The following SAMD4A variants were observed in gnomAD, a reference collection of about 807,000 sequenced individuals.
The protein encoded by SAMD4A is sterile alpha motif domain containing 4A.
SAMD4A carries 33 observed loss-of-function variants against 81.3 expected under a neutral mutation model. That is an observed-to-expected ratio of 0.41 (90% CI 0.31 to 0.54). The LOEUF (loss-of-function observed/expected upper bound fraction) is 0.54, where lower values mean the gene tolerates loss of function less well. SAMD4A is among the 20% of genes least tolerant of loss of function. SAMD4A has a pLI of 0.37. For missense variants in SAMD4A, 854 were observed against 951.1 expected, an observed-to-expected ratio of 0.90 and a Z score of 1.34; for synonymous variants, 389 against 382.1, an observed-to-expected ratio of 1.02 and a Z score of -0.21.
chr14:54,778,577 T>C (rs2038920803), intron 11 of SAMD4A, among the ~76,000 whole-genome samples: 1 of 152,236 alleles, frequency 6.6e-6, no homozygotes, highest in South Asian at 2.1e-4. Flanking sequence ...CTAAATAATA[T>C]GCTTCGCACA....
At chr14:54,591,682 C>G (rs2033780445) in intron 2 of SAMD4A, among the ~76,000 whole-genome samples, 2 of 152,140 alleles carry the variant, frequency 1.3e-5, no homozygotes, top group African/African-American at 2.4e-5. Context: ...AGCTGACTAC[C>G]TCATTGTGTT....
chr14:54,757,403 G>A (rs950014579), intron 6 of SAMD4A, among the ~76,000 whole-genome samples: 8 of 147,446 alleles, frequency 5.4e-5, no homozygotes, highest in African/African-American at 2.1e-4. Flanking sequence ...GTGTGTGTGT[G>A]TGTGTGTGTG....
chr14:54,591,531 T>G (rs1297605262), intron 2 of SAMD4A, among the ~76,000 whole-genome samples: 1 of 150,898 alleles, frequency 6.6e-6, no homozygotes, highest in Non-Finnish European at 1.5e-5. Flanking sequence ...TATTTTGTTT[T>G]TTTTTTTTTG....
intron 2 of SAMD4A, among the ~76,000 whole-genome samples, chr14:54,597,034 A>C (rs926341582): frequency 6.6e-6 from 1 of 152,144 alleles, no homozygotes; most frequent in Non-Finnish European, 1.5e-5. Flanking sequence ...CATTTTATTG[A>C]AAAAGAAAAC....
At chr14:54,776,787 T>C (rs1315092408) in intron 11 of SAMD4A, among the ~76,000 whole-genome samples, 1 of 152,180 alleles carries the variant, frequency 6.6e-6, no homozygotes, top group African/African-American at 2.4e-5. Context: ...GTCATATTTC[T>C]AGATTGATTA....
At chr14:54,587,834 T>A (rs1396937820) in intron 2 of SAMD4A, among the ~76,000 whole-genome samples, 1 of 152,198 alleles carries the variant, frequency 6.6e-6, no homozygotes, top group Non-Finnish European at 1.5e-5. Flanking sequence ...TCAGGGATAT[T>A]GGTCTGTAGT....
intron 2 of SAMD4A, among the ~76,000 whole-genome samples, chr14:54,590,619 C>T (rs2033749053): frequency 6.6e-6 from 1 of 152,198 alleles, no homozygotes; most frequent in African/African-American, 2.4e-5. Flanking sequence ...CTCCTCTCTT[C>T]TCCTCTCCTA....
At chr14:54,652,681 G>GT (rs1177164647) in intron 2 of SAMD4A, 1 of 151,744 alleles carries the variant, frequency 6.6e-6, no homozygotes, top group Non-Finnish European at 1.5e-5. Flanking sequence ...CCTTTGTGCA[G>GT]TTTTTTCCTT....
intron 2 of SAMD4A, among the ~76,000 whole-genome samples, chr14:54,592,049 C>A (rs889780748): frequency 2.6e-5 from 4 of 152,096 alleles, no homozygotes; most frequent in Non-Finnish European, 4.4e-5. Context: ...AAAGCTCCCC[C>A]CTCTTCCCCC....
intron 4 of SAMD4A, among the ~76,000 whole-genome samples, chr14:54,746,811 A>G (rs1335449370): frequency 6.6e-6 from 1 of 152,244 alleles, no homozygotes; most frequent in Non-Finnish European, 1.5e-5. Context: ...AATCATGATC[A>G]TTGAGTTTTC....
intron 2 of SAMD4A, among the ~76,000 whole-genome samples, chr14:54,587,093 A>G (rs767867934): frequency 3.3e-5 from 5 of 152,128 alleles, no homozygotes; most frequent in Non-Finnish European, 5.9e-5. Context: ...TGCATCATCT[A>G]TGATTTCTTT....
At chr14:54,668,667 GA>G (rs2035807250) in intron 2 of SAMD4A, 1 of 152,124 alleles carries the variant, frequency 6.6e-6, no homozygotes, top group African/African-American at 2.4e-5. Context: ...AAGAAGATAG[GA>G]AGGAAAAAAA....
intron 2 of SAMD4A, among the ~76,000 whole-genome samples, chr14:54,667,596 GATCACCA>G (rs2035782989): frequency 1.3e-5 from 2 of 152,178 alleles, no homozygotes; most frequent in Admixed American, 6.5e-5. Flanking sequence ...ATTCACCTGG[GATCACCA>G]GCCTCTCTGT....
chr14:54,599,487 T>TA (rs1216485861), intron 2 of SAMD4A, among the ~76,000 whole-genome samples: 1 of 152,196 alleles, frequency 6.6e-6, no homozygotes. Flanking sequence ...TATGAGATTT[T>TA]AAAAAATATT....
At chr14:54,617,935 A>C (rs147306881) in intron 2 of SAMD4A, among the ~76,000 whole-genome samples, 217 of 152,338 alleles carry the variant, frequency 1.4e-3, no homozygotes, top group African/African-American at 5.1e-3. Flanking sequence ...ATCGAAATAG[A>C]TGATGCCTTT....
intron 2 of SAMD4A, among the ~76,000 whole-genome samples, chr14:54,654,804 C>G (rs1242414454): frequency 6.6e-6 from 1 of 152,226 alleles, no homozygotes; most frequent in Non-Finnish European, 1.5e-5. Flanking sequence ...TTGGGAACCA[C>G]CAGCCTTCAC....
At chr14:54,705,809 C>G (rs1184938147) in intron 3 of SAMD4A, among the ~76,000 whole-genome samples, 1 of 152,138 alleles carries the variant, frequency 6.6e-6, no homozygotes. Context: ...TTCCAGGGAG[C>G]CTGTAATTGG....
At chr14:54,643,096 G>T (rs755383805) in intron 2 of SAMD4A, among the ~76,000 whole-genome samples, 1 of 152,246 alleles carries the variant, frequency 6.6e-6, no homozygotes, top group African/African-American at 2.4e-5. Flanking sequence ...AATCAACAAG[G>T]CAGGAGGGGG....
chr14:54,765,643 G>A, intron 8 of SAMD4A, among the ~76,000 whole-genome samples: 1 of 151,958 alleles, frequency 6.6e-6, no homozygotes, highest in Non-Finnish European at 1.5e-5. Context: ...AAAAAAAATA[G>A]TAAAGGCCCC....
Sources: gnomAD v4.1 joint callset for allele counts (sites outside exome capture counted in the v4.1 genomes callset) on GRCh38, gnomAD v4.1.1 for gene constraint, MANE v1.5 for transcripts, NCBI Gene and HGNC (gene_info 2026-07-23, HGNC 2026-07-21) for gene names.